Variants in TIE1 observed in about 807,000 individuals in gnomAD.
The protein encoded by TIE1 is tyrosine kinase with immunoglobulin like and EGF like domains 1, also known as tyrosine-protein kinase receptor Tie-1.
In TIE1, 89 loss-of-function variants were observed where a neutral mutation model predicts 130.5. That is an observed-to-expected ratio of 0.68 (90% CI 0.57 to 0.81). The LOEUF is 0.81. Among genes scored for constraint, TIE1 ranks in the 40% least tolerant of loss-of-function variants. TIE1 has a pLI of 0.00. For missense variants in TIE1, 1,392 were observed against 1,559.8 expected (o/e 0.89, Z 1.81); for synonymous variants, 568 against 629.4 (o/e 0.90, Z 1.46).
intron 7 of TIE1, 108 bp downstream of exon 7, chr1:43,308,032 TC>T: frequency 6.7e-7 from 1 of 1,492,814 alleles, no homozygotes; most frequent in Non-Finnish European, 9.0e-7. Context: ...AGGGTCCAAG[TC>T]CTGCCCTCAG....
rs1046020577 is a variant in TIE1, at chr1:43,322,714, G to A, written c.3409G>A (p.Glu1137Lys). The A allele has an allele frequency of 9.3e-6, 15 of 1,613,866 alleles. No individual in the cohort carries two copies. Among genetic ancestry groups the A allele is most frequent in the Non-Finnish European group, 1.2e-5 (14 of 1,180,038 alleles). The change falls in exon 23 of 23, where the codon GAG (glutamate) becomes AAG (lysine). Residue 1137 changes from glutamate (E) to lysine (K), a missense_variant. By Grantham distance (56) the Glu-to-Lys change is moderately conservative. Around this residue, in one of 6 missense-constraint regions of TIE1, gnomAD observed 104 missense variants for 129.3 expected, o/e 0.80. Coordinates refer to ENST00000372476, the MANE Select transcript of TIE1 (RefSeq NM_005424.5). The surrounding 1 kb of genome is among the most constrained non-coding windows in gnomAD (Gnocchi z 4.0). ...TYAGIDATAE[E>K]A Reference sequence around the variant, plus strand: ...CGCGGGCATTGATGCCACAGCTGAGGAGGCCTGAGCTGCCATCCAGCCAGA... The same window carrying A: ...CGCGGGCATTGATGCCACAGCTGAGAAGGCCTGAGCTGCCATCCAGCCAGA...
At position 43,304,933 on chromosome 1, in the gene TIE1, G is replaced by A; in HGVS notation, c.141G>A (p.Glu47=). Residue 47 remains glutamate (E), a synonymous_variant, in exon 2 of 23, where the codon GAG becomes GAA. Coordinates refer to ENST00000372476, the MANE Select transcript of TIE1 (RefSeq NM_005424.5). Reference sequence around the variant, plus strand: ...TCTTCCTGACTTGCGTGTCTGGGGAGGCCGGGGCGGGGAGGGGCTCGGACG... The same window carrying A: ...TCTTCCTGACTTGCGTGTCTGGGGAAGCCGGGGCGGGGAGGGGCTCGGACG... ...QRFFLTCVSG[E]AGAGRGSDAW... 1.4e-6 allele frequency: 2 copies of A among 1,445,900 alleles called. No homozygotes were observed. The highest frequency in any genetic ancestry group is 1.8e-6 in the Non-Finnish European group (2 of 1,103,768). The allele number at this position is 1,445,900 out of a possible 1,614,324, so 89.6% of individuals were successfully genotyped here.
chr1:43,305,194 G>C, intron 2 of TIE1, 29 bp downstream of exon 2: 4 of 1,613,794 alleles, frequency 2.5e-6, no homozygotes, highest in Non-Finnish European at 3.4e-6. Context: ...GGGATGGCGC[G>C]GGGAAAACCA....
rs754003956 is a variant in TIE1, at chr1:43,313,249, T to C, written c.2042T>C (p.Val681Ala). ...PGPISKYVVE[V>A]QVAGGAGDPL... The stretch of plus-strand genomic sequence containing the variant: ...CCAATATCCAAGTACGTTGTGGAGG[T>C]GCAGGTGGCTGGGGGTGCAGGAGAC... The change falls in exon 13 of 23, where the codon GTG becomes GCG. Residue 681 changes from valine to alanine, a missense_variant. Val to Ala is a moderately conservative substitution (Grantham distance 64, BLOSUM62 0). This residue lies in a region of TIE1 where 551 missense variants were observed against 565.5 expected (regional missense o/e 0.97). Transcript: ENST00000372476. This position sits in a 1 kb window ranked among gnomAD's most constrained non-coding sequence, Gnocchi z 6.2. 2 of 1,613,602 alleles carry C rather than the reference T, an allele frequency of 1.2e-6. No individual in the cohort carries two copies. The highest frequency in any genetic ancestry group is 1.7e-6 in the Non-Finnish European group (2 of 1,179,874).
rs532619196 is a variant in TIE1, at chr1:43,309,349, C to G, written c.1189-39C>G. On this transcript the variant is annotated intron_variant, in intron 8 of 22. Transcript: ENST00000372476. This position sits in a 1 kb window ranked among gnomAD's most constrained non-coding sequence, Gnocchi z 6.3. The stretch of plus-strand genomic sequence containing the variant: ...CCTGGGTGCCTGCCACAGAGGTGCC[C>G]GTTCCCTGTGACCTGTCCCCTTCCC... 5.8e-6 allele frequency: 9 copies of G among 1,548,252 alleles called. 1 individual carries two copies. In the South Asian group the frequency reaches 6.4e-5, roughly 11 times the overall value.
chr1:43,304,993 C>T lies in TIE1; in HGVS notation c.201C>T (p.Asp67=). 1 of 1,516,458 alleles carries T rather than the reference C, an allele frequency of 6.6e-7. No homozygotes were observed. The highest frequency in any genetic ancestry group is 8.8e-7 in the Non-Finnish European group (1 of 1,131,554). The allele number at this position is 1,516,458 out of a possible 1,614,324, so 93.9% of individuals were successfully genotyped here. The change falls in exon 2 of 23, where the codon GAC becomes GAT. Residue 67 remains aspartate (D), a synonymous_variant. Coordinates refer to ENST00000372476, the MANE Select transcript of TIE1 (RefSeq NM_005424.5). ...WGPPLLLEKD[D]RIVRTPPGPP... Reference sequence around the variant, plus strand: ...CGCCCCTGCTGCTGGAGAAGGACGACCGTATCGTGCGCACCCCGCCCGGGC... The same window carrying T: ...CGCCCCTGCTGCTGGAGAAGGACGATCGTATCGTGCGCACCCCGCCCGGGC...
chr1:43,313,418 G>A lies in TIE1; in HGVS notation c.2211G>A (p.Leu737=). Residue 737 remains leucine, a synonymous_variant, in exon 13 of 23, where the codon CTG becomes CTA. Coordinates refer to ENST00000372476, the MANE Select transcript of TIE1 (RefSeq NM_005424.5). This position sits in a 1 kb window ranked among gnomAD's most constrained non-coding sequence, Gnocchi z 6.2. ...DWSNTVEEST[L]GNGLQAEGPV... ...GCAACACAGTAGAAGAGTCCACCCT[G>A]GGCAACGGTGAGAGGGCAGGGCCCA... 6.2e-7 allele frequency: 1 copy of A among 1,613,854 alleles called. No homozygotes were observed. The highest frequency in any genetic ancestry group is 8.5e-7 in the Non-Finnish European group (1 of 1,179,906).
chr1:43,307,515 C>G lies in TIE1; in HGVS notation c.856C>G (p.Pro286Ala), dbSNP rs1646742911. Residue 286 changes from proline to alanine, a missense_variant, in exon 6 of 23, where the codon CCA (proline) becomes GCA (alanine). This residue lies in a region of TIE1 where 415 missense variants were observed against 424.8 expected (regional missense o/e 0.98). Coordinates refer to ENST00000372476, the MANE Select transcript of TIE1 (RefSeq NM_005424.5). This position sits in a 1 kb window ranked among gnomAD's most constrained non-coding sequence, Gnocchi z 5.4. ...SGCRGLTFCLPDPYGCSCGSG... is the reference protein window; with the variant it reads ...SGCRGLTFCLADPYGCSCGSG... Reference sequence around the variant, plus strand: ...CTGCCGGGGCCTCACCTTCTGCCTCCCAGACCCCTATGGCTGCTCTTGTGG... The same window carrying G: ...CTGCCGGGGCCTCACCTTCTGCCTCGCAGACCCCTATGGCTGCTCTTGTGG... The G allele has an allele frequency of 1.2e-6, 2 of 1,614,182 alleles. No individual in the cohort carries two copies. Among genetic ancestry groups the G allele is most frequent in the Non-Finnish European group, 1.7e-6 (2 of 1,180,024 alleles).
Position 43,317,370 on chromosome 1 carries a change from G to A in TIE1, c.2581G>A (p.Asp861Asn), listed in dbSNP as rs1165429980. ...GGTCATCCGGGCCATGATCAAGAAG[G>A]ACGGGCTGAAGATGAACGCAGCCAT... ...GQVIRAMIKK[D>N]GLKMNAAIKM... The change falls in exon 15 of 23, where the codon GAC becomes AAC. Residue 861 changes from aspartate to asparagine, a missense_variant. Asp to Asn is a conservative substitution (Grantham distance 23). Transcript: ENST00000372476. This position sits in a 1 kb window ranked among gnomAD's most constrained non-coding sequence, Gnocchi z 5.1. 1 of 1,613,990 alleles carries A rather than the reference G, an allele frequency of 6.2e-7. No individual in the cohort carries two copies. The highest frequency in any genetic ancestry group is 8.5e-7 in the Non-Finnish European group (1 of 1,180,028).
chr1:43,306,106 C>T lies in TIE1; in HGVS notation c.485-734C>T, dbSNP rs889855875. The stretch of plus-strand genomic sequence containing the variant: ...AAGAGGCAAGAAGCGGGTGGGGCAG[C>T]GACTGGAGCACTCTTCTAAGAGGGA... On this transcript the variant is annotated intron_variant, in intron 3 of 22. Transcript: ENST00000372476. The surrounding 1 kb of genome is among the most constrained non-coding windows in gnomAD (Gnocchi z 4.9). 2.0e-5 allele frequency among the ~76,000 whole-genome samples: 3 copies of T among 152,056 alleles called. No individual in the cohort carries two copies. The highest frequency in any genetic ancestry group is 4.4e-5 in the Non-Finnish European group (3 of 68,008).
chr1:43,314,556 A>G (rs1310580449), intron 14 of TIE1: 1 of 993,340 alleles, frequency 1.0e-6, no homozygotes, highest in Non-Finnish European at 1.2e-6. Context: ...GGCTGGGCAC[A>G]GTGACTTGCA....
chr1:43,314,514 C>T, intron 14 of TIE1: 1 of 1,001,316 alleles, frequency 1.0e-6, no homozygotes, highest in Non-Finnish European at 1.2e-6. Context: ...TCTTGCAAAT[C>T]CCAGGGCCTC....
Position 43,307,189 on chromosome 1 carries a change from G to C in TIE1, c.688G>C (p.Gly230Arg), listed in dbSNP as rs754705316. The C allele has an allele frequency of 1.9e-6, 3 of 1,614,150 alleles. No homozygotes were observed. In the East Asian group the frequency reaches 6.7e-5, roughly 36 times the overall value. The change falls in exon 5 of 23, where the codon GGT (glycine) becomes CGT (arginine). Residue 230 changes from glycine to arginine, a missense_variant. By Grantham distance (125) the Gly-to-Arg change is moderately radical. This residue lies in a region of TIE1 where 415 missense variants were observed against 424.8 expected (regional missense o/e 0.98). Transcript: ENST00000372476. The surrounding 1 kb of genome is among the most constrained non-coding windows in gnomAD (Gnocchi z 5.4). ...WGPGCTKECP[G>R]CLHGGVCHDH... ...GCCAGGCTGTACCAAGGAGTGCCCA[G>C]GTTGCCTACATGGAGGTGTCTGCCA...
In TIE1 at chr1:43,319,291, C is replaced by T; in HGVS notation, c.2979C>T (p.Ser993=). Residue 993 remains serine (S), a synonymous_variant, in exon 18 of 23, where the codon TCC becomes TCT. Coordinates refer to ENST00000372476, the MANE Select transcript of TIE1 (RefSeq NM_005424.5). The surrounding 1 kb of genome is among the most constrained non-coding windows in gnomAD (Gnocchi z 4.7). ...RNVLVGENLA[S]KIADFGLSRG... ...TGCTGGTCGGAGAGAACCTAGCCTC[C>T]AAGATTGCAGACTTCGGCCTTTCTC... 6.2e-7 allele frequency: 1 copy of T among 1,614,016 alleles called. No individual in the cohort carries two copies. The highest frequency in any genetic ancestry group is 8.5e-7 in the Non-Finnish European group (1 of 1,179,956).
Position 43,316,415 on chromosome 1 carries a change from G to A in TIE1, c.2410-784G>A, listed in dbSNP as rs1170656686. On this transcript the variant is annotated intron_variant, in intron 14 of 22. Coordinates refer to ENST00000372476, the MANE Select transcript of TIE1 (RefSeq NM_005424.5). This position sits in a 1 kb window ranked among gnomAD's most constrained non-coding sequence, Gnocchi z 4.4. ...CTTAGGAAGCCCCACCAGAAGGTCT[G>A]TCTTAACCCTGCTTCCAGTTCTCAT... Among the ~76,000 whole-genome samples, 2 of 152,238 alleles carry A rather than the reference G, an allele frequency of 1.3e-5. No homozygotes were observed. The highest frequency in any genetic ancestry group is 1.3e-4 in the Admixed American group (2 of 15,282).
rs567679124 is a variant in TIE1 at position 43,322,386 on chromosome 1, G to A, written c.3346-265G>A. 5.3e-5 allele frequency among the ~76,000 whole-genome samples: 8 copies of A among 152,300 alleles called. No homozygotes were observed. The highest frequency in any genetic ancestry group is 1.2e-4 in the African/African-American group (5 of 41,564). On this transcript the variant is annotated intron_variant, in intron 22 of 22. Transcript: ENST00000372476. The surrounding 1 kb of genome is among the most constrained non-coding windows in gnomAD (Gnocchi z 4.0). ...CAGATAAGTTACTGAATGAATGAACGCATAAGCCAAGAATTCATTGAAAGA... is the reference window on the plus strand; with the variant it reads ...CAGATAAGTTACTGAATGAATGAACACATAAGCCAAGAATTCATTGAAAGA...
rs921828942 is a variant in TIE1, at chr1:43,315,773, T to C, written c.2410-1426T>C. ...TCACTGCTGTGGTGGGGGAGGGTAA[T>C]GGGTACAGATGTCGAGGGCAGGAGG... On this transcript the variant is annotated intron_variant, in intron 14 of 22. Transcript: ENST00000372476. This position sits in a 1 kb window ranked among gnomAD's most constrained non-coding sequence, Gnocchi z 4.4. 5.3e-5 allele frequency among the ~76,000 whole-genome samples: 8 copies of C among 151,964 alleles called. No individual in the cohort carries two copies. The highest frequency in any genetic ancestry group is 1.7e-4 in the African/African-American group (7 of 41,364).
rs953994974 is a variant in TIE1, at chr1:43,306,286, G to C, written c.485-554G>C. On this transcript the variant is annotated intron_variant, in intron 3 of 22. Coordinates refer to ENST00000372476, the MANE Select transcript of TIE1 (RefSeq NM_005424.5). The surrounding 1 kb of genome is among the most constrained non-coding windows in gnomAD (Gnocchi z 4.9). ...CTGAAACACAAGGGTGTTTCTAGAA[G>C]AGAAACAATCCATTCAGGAATTCAG... is the stretch of plus-strand genomic sequence containing the variant. Among the ~76,000 whole-genome samples the C allele has an allele frequency of 2.0e-5, 3 of 152,214 alleles. No individual in the cohort carries two copies. Among genetic ancestry groups the C allele is most frequent in the African/African-American group, 7.2e-5 (3 of 41,454 alleles).
Position 43,322,068 on chromosome 1 carries a change from T to C in TIE1, c.3345+353T>C, listed in dbSNP as rs1316637185. On this transcript the variant is annotated intron_variant, in intron 22 of 22. Coordinates refer to ENST00000372476, the MANE Select transcript of TIE1 (RefSeq NM_005424.5). The surrounding 1 kb of genome is among the most constrained non-coding windows in gnomAD (Gnocchi z 4.0). ...CCAGAGCCAGAGCAGAGTGCATGAATAGTCACTAACCAGATGGATGGATGG... is the reference window on the plus strand; with the variant it reads ...CCAGAGCCAGAGCAGAGTGCATGAACAGTCACTAACCAGATGGATGGATGG... Among the ~76,000 whole-genome samples, 1 of 152,144 alleles carries C rather than the reference T, an allele frequency of 6.6e-6. No homozygotes were observed. Among genetic ancestry groups the C allele is most frequent in the African/African-American group, 2.4e-5 (1 of 41,434 alleles).
Sources: gnomAD v4.1 joint callset for allele counts (sites outside exome capture counted in the v4.1 genomes callset) on GRCh38, gnomAD v4.1.1 for gene constraint, gnomAD v4.1.1 regional missense constraint, Gnocchi (gnomAD v3.1) non-coding constraint, MANE v1.5 for transcripts, NCBI Gene and HGNC (gene_info 2026-07-23, HGNC 2026-07-21) for gene names.